PHKB: variants seen among roughly 807,000 people sequenced by gnomAD.
The protein encoded by PHKB is phosphorylase kinase regulatory subunit beta.
In PHKB, 122 loss-of-function variants were observed where a neutral mutation model predicts 152.1. That is an observed-to-expected ratio of 0.80 (90% CI 0.69 to 0.93). The LOEUF (loss-of-function observed/expected upper bound fraction) is 0.93, where lower values mean the gene tolerates loss of function less well. Ranked by LOEUF, PHKB falls within the 40% of genes least tolerant of loss-of-function variation. PHKB has a pLI of 0.00. For missense variants in PHKB, 1,304 were observed against 1,328.4 expected, an observed-to-expected ratio of 0.98 and a Z score of 0.29; for synonymous variants, 436 against 464.9, an observed-to-expected ratio of 0.94 and a Z score of 0.80.
intron 26 of PHKB, among the ~76,000 whole-genome samples, chr16:47,684,806 T>G (rs1332157184): frequency 2.0e-5 from 3 of 151,970 alleles, no homozygotes; most frequent in African/African-American, 7.2e-5. Context: ...TTTAAAAGGA[T>G]AAGCTTATTC....
chr16:47,660,376 C>T (rs1973418390), intron 20 of PHKB, 130 bp from the exon 21 acceptor site: 2 of 725,142 alleles, frequency 2.8e-6, no homozygotes, highest in Non-Finnish European at 4.9e-6. Flanking sequence ...TTAAGAATTG[C>T]TTCAGAATTG....
chr16:47,636,745 T>C (rs1467733287), intron 14 of PHKB, among the ~76,000 whole-genome samples: 1 of 152,170 alleles, frequency 6.6e-6, no homozygotes. Context: ...GGCCTGCAGG[T>C]ATCCCTTGGC....
chr16:47,626,265 T>C (rs1177754875), intron 14 of PHKB, among the ~76,000 whole-genome samples: 2 of 152,328 alleles, frequency 1.3e-5, no homozygotes, highest in East Asian at 3.9e-4. Flanking sequence ...TGAAGATGGC[T>C]CTGTGGTGCT....
chr16:47,624,405 CT>C (rs1972672838), intron 14 of PHKB, among the ~76,000 whole-genome samples: 1 of 152,150 alleles, frequency 6.6e-6, no homozygotes, highest in South Asian at 2.1e-4. Context: ...CTTCCTTGTA[CT>C]TAAGTCAAAA....
chr16:47,586,084 A>G (rs1208595793), intron 8 of PHKB, among the ~76,000 whole-genome samples: 2 of 152,160 alleles, frequency 1.3e-5, no homozygotes, highest in Non-Finnish European at 2.9e-5. Flanking sequence ...GAGCCTAGCT[A>G]TGGTCCTCAC....
At chr16:47,596,732 G>A (rs182978690) in intron 13 of PHKB, among the ~76,000 whole-genome samples, 15 of 152,200 alleles carry the variant, frequency 9.9e-5, no homozygotes, top group Admixed American at 4.6e-4. Flanking sequence ...GAAAGAAAGC[G>A]AAATAGGTAT....
Position 47,560,905 on chromosome 16 carries a change from G to C in PHKB, c.710+13357G>C, listed in dbSNP as rs151054160. On this transcript the variant is annotated intron_variant, in intron 7 of 30. Transcript: ENST00000323584. ...GATGGAAAGATAGAAGATATATTTT[G>C]TGGGAAGATTTTTGCAAATATGTAT... 2.6e-3 allele frequency among the ~76,000 whole-genome samples: 394 copies of C among 152,222 alleles called. 2 individuals are homozygous for C. Among genetic ancestry groups the C allele is most frequent in the African/African-American group, 9.2e-3 (382 of 41,534 alleles).
chr16:47,574,088 T>A (rs1309057784), intron 7 of PHKB, among the ~76,000 whole-genome samples: 2 of 152,022 alleles, frequency 1.3e-5, no homozygotes, highest in East Asian at 3.9e-4. Flanking sequence ...CCCAGCTAAT[T>A]TTTGTATTTT....
At chr16:47,562,479 A>T (rs1971492875) in intron 7 of PHKB, 1 of 152,228 alleles carries the variant, frequency 6.6e-6, no homozygotes, top group African/African-American at 2.4e-5. Flanking sequence ...GCCTCTGTTG[A>T]GTTGAGAATC....
At chr16:47,495,355 G>A (rs1970214490) in intron 1 of PHKB, among the ~76,000 whole-genome samples, 2 of 151,678 alleles carry the variant, frequency 1.3e-5, no homozygotes, top group African/African-American at 4.8e-5. Flanking sequence ...TGTAATGCAG[G>A]TTGATTTAAG....
intron 8 of PHKB, among the ~76,000 whole-genome samples, chr16:47,586,505 A>G (rs1381059581): frequency 6.6e-6 from 1 of 152,224 alleles, no homozygotes; most frequent in African/African-American, 2.4e-5. Context: ...ATTCTATTTT[A>G]TGAGCTAATT....
intron 6 of PHKB, among the ~76,000 whole-genome samples, chr16:47,544,658 T>C (rs564726295): frequency 4.4e-4 from 67 of 152,330 alleles, no homozygotes; most frequent in African/African-American, 1.6e-3. Flanking sequence ...CCCTTCTGTC[T>C]TGTTGATCTG....
At chr16:47,562,648 GTCTTGCC>G (rs1971496154) in intron 7 of PHKB, among the ~76,000 whole-genome samples, 1 of 152,214 alleles carries the variant, frequency 6.6e-6, no homozygotes, top group Admixed American at 6.5e-5. Context: ...CTGATGGAAG[GTCTTGCC>G]TCAGTCTTGA....
At chr16:47,627,414 G>C (rs1402481681) in intron 14 of PHKB, among the ~76,000 whole-genome samples, 3 of 152,206 alleles carry the variant, frequency 2.0e-5, no homozygotes, top group Admixed American at 6.5e-5. Context: ...AGAAAGGGGT[G>C]AAACAGTTTT....
At chr16:47,461,299 A>C, upstream of PHKB, 1 of 1,463,578 alleles carries the variant, frequency 6.8e-7, no homozygotes, top group Non-Finnish European at 9.4e-7. Flanking sequence ...GTGGCCCGGC[A>C]TTGCTGACAG....
chr16:47,481,455 C>T (rs1443373047), intron 1 of PHKB, among the ~76,000 whole-genome samples: 2 of 152,204 alleles, frequency 1.3e-5, no homozygotes, highest in Admixed American at 6.5e-5. Flanking sequence ...CACATTATTT[C>T]ACTTAGTTGT....
intron 6 of PHKB, among the ~76,000 whole-genome samples, chr16:47,526,407 TA>T (rs879298170): frequency 0.011 from 1,585 of 139,746 alleles, 7 homozygotes; most frequent in Middle Eastern, 0.014. Flanking sequence ...GAGATTCTTC[TA>T]AAAAAAAAAA....
At chr16:47,676,470 A>G (rs1973734214) in intron 26 of PHKB, 3 of 152,200 alleles carry the variant, frequency 2.0e-5, no homozygotes. Flanking sequence ...TGGCCATAAG[A>G]AATAAGAACA....
At chr16:47,680,477 T>C (rs1328964747) in intron 26 of PHKB, among the ~76,000 whole-genome samples, 4 of 152,178 alleles carry the variant, frequency 2.6e-5, no homozygotes, top group Non-Finnish European at 4.4e-5. Flanking sequence ...GAGATTCAGG[T>C]TCTTCTGGTT....
Sources: allele counts gnomAD v4.1 joint callset (sites outside exome capture counted in the v4.1 genomes callset), GRCh38; gene constraint gnomAD v4.1.1; transcripts MANE v1.5; gene names NCBI Gene and HGNC (gene_info 2026-07-23, HGNC 2026-07-21).